Variants in DAB2IP observed in about 807,000 individuals in gnomAD.
DAB2IP encodes the protein DAB2 interacting protein.
DAB2IP carries 28 observed loss-of-function variants against 107.2 expected under a neutral mutation model. That is an observed-to-expected ratio of 0.26 (90% CI 0.19 to 0.36). DAB2IP has a LOEUF of 0.36. Ranked by LOEUF, DAB2IP falls within the 10% of genes least tolerant of loss-of-function variation. The pLI is 1.00. For missense variants in DAB2IP, 1,400 were observed against 1,644.7 expected (o/e 0.85, Z 2.57); for synonymous variants, 755 against 706.4 (o/e 1.07, Z -1.09).
chr9:121,782,111 G>A lies in DAB2IP; in HGVS notation c.3403-220G>A, dbSNP rs559085918. 6.5e-4 allele frequency among the ~76,000 whole-genome samples: 99 copies of A among 152,144 alleles called. No individual in the cohort carries two copies. Among genetic ancestry groups the A allele is most frequent in the Non-Finnish European group, 1.3e-3 (87 of 68,006 alleles). On this transcript the variant is annotated intron_variant, in intron 15 of 15. Transcript: ENST00000408936. This position sits in a 1 kb window ranked among gnomAD's most constrained non-coding sequence, Gnocchi z 6.1. ...AGGGGCCGCAGGCAGCCCATAGACA[G>A]CACTAGAGCTGCTGCATTTGGGCTG...
At chr9:121,642,076 T>TTTCTTTCTTTCTTTC (rs1564129085) in intron 1 of DAB2IP, among the ~76,000 whole-genome samples, 1 of 135,758 alleles carries the variant, frequency 7.4e-6, no homozygotes, top group Non-Finnish European at 1.5e-5. Flanking sequence ...TCTTTCTTTC[T>TTTCTTTCTTTCTTTC]TTCTTTCTCA....
intron 1 of DAB2IP, among the ~76,000 whole-genome samples, chr9:121,631,857 G>C (rs2119017623): frequency 6.7e-6 from 1 of 149,784 alleles, no homozygotes; most frequent in African/African-American, 2.5e-5. Context: ...GCACTCTGCT[G>C]TTGGCCCAGG....
At chr9:121,715,872 GA>G (rs1830577154) in intron 3 of DAB2IP, among the ~76,000 whole-genome samples, 1 of 152,232 alleles carries the variant, frequency 6.6e-6, no homozygotes, top group Admixed American at 6.5e-5. Flanking sequence ...AGGTGCTTGT[GA>G]GTTCTTGTAA....
rs140899097 is a variant in DAB2IP, at chr9:121,752,132, A to G, written c.363-4881A>G. ...TTGAGAGGGATGGGGGAAGCGGCCCATACTTGGACAGAGCAAGGGCAGGGG... is the reference window on the plus strand; with the variant it reads ...TTGAGAGGGATGGGGGAAGCGGCCCGTACTTGGACAGAGCAAGGGCAGGGG... On this transcript the variant is annotated intron_variant, in intron 3 of 15. Coordinates refer to ENST00000408936, the Ensembl canonical transcript of DAB2IP. The G allele has an allele frequency of 8.1e-3, 5,274 of 654,864 alleles. 38 individuals are homozygous for G. The highest frequency in any genetic ancestry group is 0.034 in the Middle Eastern group (45 of 1,310). 40.6% of individuals were successfully genotyped at this position (654,864 alleles called of 1,614,324 possible).
chr9:121,584,038 G>T (rs376243724), intron 1 of DAB2IP, among the ~76,000 whole-genome samples: 1 of 152,106 alleles, frequency 6.6e-6, no homozygotes, highest in Non-Finnish European at 1.5e-5. Flanking sequence ...ATAGCCAGGC[G>T]TGGTGGTGCA....
chr9:121,781,639 C>T, intron 15 of DAB2IP, 88 bp downstream of exon 15: 1 of 1,332,686 alleles, frequency 7.5e-7, no homozygotes, highest in Non-Finnish European at 1.1e-6. Flanking sequence ...TCAGTCATAC[C>T]TCACTGCAGA....
chr9:121,611,790 T>G (rs534606149), intron 1 of DAB2IP, among the ~76,000 whole-genome samples: 6 of 151,640 alleles, frequency 4.0e-5, no homozygotes, highest in Non-Finnish European at 4.4e-5. Context: ...TCACCATGTT[T>G]GCCAGGGTGG....
At chr9:121,579,045 C>T (rs1329647716) in intron 1 of DAB2IP, among the ~76,000 whole-genome samples, 3 of 152,106 alleles carry the variant, frequency 2.0e-5, no homozygotes, top group African/African-American at 7.2e-5. Context: ...GGGTGAGGCT[C>T]TGGTTGGGGG....
intron 1 of DAB2IP, among the ~76,000 whole-genome samples, chr9:121,673,941 G>A (rs543877083): frequency 1.3e-5 from 2 of 152,338 alleles, no homozygotes; most frequent in East Asian, 3.9e-4. Flanking sequence ...TCAGTTCAGG[G>A]TCTGGAGAAA....
rs80042619 is a variant in DAB2IP, at chr9:121,621,325, A to G, written c.40+54097A>G. The stretch of plus-strand genomic sequence containing the variant: ...AGGGACTCCCTATTTTCCCTGAGAT[A>G]TAATCCAGACTTCTCAGCTCGGTTT... On this transcript the variant is annotated intron_variant, in intron 1 of 16. Transcript: ENST00000259371. Among the ~76,000 whole-genome samples, 956 of 152,300 alleles carry G rather than the reference A, an allele frequency of 6.3e-3. 5 individuals are homozygous for G. Among genetic ancestry groups the G allele is most frequent in the Non-Finnish European group, 0.01 (693 of 68,036 alleles).
intron 8 of DAB2IP, 64 bp downstream of exon 8, chr9:121,763,943 C>T (rs1834076997): frequency 6.3e-7 from 1 of 1,587,412 alleles, no homozygotes; most frequent in Non-Finnish European, 8.6e-7. Flanking sequence ...CAGTGTCTGG[C>T]ACCCGCAGTG....
intron 6 of DAB2IP, among the ~76,000 whole-genome samples, chr9:121,762,063 T>C (rs1176381076): frequency 1.3e-5 from 2 of 152,026 alleles, no homozygotes; most frequent in Non-Finnish European, 1.5e-5. Context: ...GATAGAAGCA[T>C]AGAAAGTAAC....
chr9:121,703,002 C>T (rs1829862358), intron 3 of DAB2IP, among the ~76,000 whole-genome samples: 1 of 152,188 alleles, frequency 6.6e-6, no homozygotes, highest in Non-Finnish European at 1.5e-5. Flanking sequence ...GGCAGGTAGG[C>T]AAGGCTGCTA....
At chr9:121,750,149 G>A (rs1414646758) in intron 3 of DAB2IP, among the ~76,000 whole-genome samples, 1 of 152,124 alleles carries the variant, frequency 6.6e-6, no homozygotes, top group African/African-American at 2.4e-5. Context: ...TCCTCACTAC[G>A]GATGGGGAAA....
At chr9:121,598,279 G>A (rs1364215866) in intron 1 of DAB2IP, 1 of 152,302 alleles carries the variant, frequency 6.6e-6, no homozygotes, top group Non-Finnish European at 1.5e-5. Flanking sequence ...GAATTAACTG[G>A]TTCTGTCTGT....
At chr9:121,746,823 C>T (rs1832754952) in intron 3 of DAB2IP, among the ~76,000 whole-genome samples, 1 of 152,186 alleles carries the variant, frequency 6.6e-6, no homozygotes, top group African/African-American at 2.4e-5. Flanking sequence ...CTCGCATCCC[C>T]AGGGCCCTGA....
At chr9:121,780,043 T>C (rs901177244) in intron 14 of DAB2IP, among the ~76,000 whole-genome samples, 1 of 148,602 alleles carries the variant, frequency 6.7e-6, no homozygotes, top group Admixed American at 6.6e-5. Flanking sequence ...TTTTTCTGGT[T>C]TGTTTGTTTG....
chr9:121,574,423 C>T (rs1035020682), intron 1 of DAB2IP, among the ~76,000 whole-genome samples: 7 of 152,122 alleles, frequency 4.6e-5, no homozygotes, highest in Non-Finnish European at 1.0e-4. Flanking sequence ...CTAGACCAGG[C>T]TGCCTGGGCC....
intron 3 of DAB2IP, among the ~76,000 whole-genome samples, chr9:121,739,093 T>C (rs754186766): frequency 6.6e-6 from 1 of 152,244 alleles, no homozygotes; most frequent in Non-Finnish European, 1.5e-5. Context: ...ATGAGCAAGA[T>C]GCTATGAAGG....
Sources: gnomAD v4.1 joint callset for allele counts (sites outside exome capture counted in the v4.1 genomes callset) on GRCh38, gnomAD v4.1.1 for gene constraint, Gnocchi (gnomAD v3.1) non-coding constraint, MANE v1.5 for transcripts, NCBI Gene and HGNC (gene_info 2026-07-23, HGNC 2026-07-21) for gene names.